Variants in USP6NL observed in about 807,000 individuals in gnomAD.
The protein encoded by USP6NL is USP6 N-terminal-like protein.
A neutral mutation model predicts 61.9 loss-of-function variants in USP6NL; 26 were observed. The observed-to-expected ratio is 0.42, with a 90% CI of 0.31 to 0.58. The LOEUF (loss-of-function observed/expected upper bound fraction) is 0.58, where lower values mean the gene tolerates loss of function less well. Among genes scored for constraint, USP6NL ranks in the 20% least tolerant of loss-of-function variants. USP6NL has a pLI of 0.16. For missense variants in USP6NL, 1,114 were observed against 1,034.3 expected (o/e 1.08, Z -1.06); for synonymous variants, 432 against 390.1 (o/e 1.11, Z -1.27).
chr10:11,575,750 T>C lies in USP6NL; in HGVS notation c.4+21881A>G, dbSNP rs115629205. ...CACACATTGCATCAGTAAGAATATC[T>C]GATCACATACTCTGATGTATGTAAC... On this transcript the variant is annotated intron_variant, in intron 2 of 14. Transcript: ENST00000609104. This position sits in a 1 kb window ranked among gnomAD's most constrained non-coding sequence, Gnocchi z 4.2. Among the ~76,000 whole-genome samples, 3,173 of 152,336 alleles carry C rather than the reference T, an allele frequency of 0.021. 107 individuals carry two copies. The highest frequency in any genetic ancestry group is 0.072 in the African/African-American group (2,973 of 41,564).
chr10:11,471,654 T>C (rs2133180368), intron 14 of USP6NL, among the ~76,000 whole-genome samples: 1 of 152,138 alleles, frequency 6.6e-6, no homozygotes, highest in East Asian at 1.9e-4. Context: ...CCATAAAAAA[T>C]AATGAGTTCA....
rs1834699970 is a variant in USP6NL at position 11,511,168 on chromosome 10, C to T, written c.196-1493G>A. 1.3e-5 allele frequency among the ~76,000 whole-genome samples: 2 copies of T among 152,174 alleles called. No individual in the cohort carries two copies. The highest frequency in any genetic ancestry group is 4.1e-4 in the South Asian group (2 of 4,826). On this transcript the variant is annotated intron_variant, in intron 5 of 14. Transcript: ENST00000609104. This position sits in a 1 kb window ranked among gnomAD's most constrained non-coding sequence, Gnocchi z 4.9. Reference sequence around the variant, plus strand: ...GGCATATTCTTAAAACTCTCAATTACCTAACTCTTTTTAAAATTTTTGATG... The same window carrying T: ...GGCATATTCTTAAAACTCTCAATTATCTAACTCTTTTTAAAATTTTTGATG...
At chr10:11,577,525 G>C (rs1837595849) in intron 2 of USP6NL, among the ~76,000 whole-genome samples, 1 of 152,118 alleles carries the variant, frequency 6.6e-6, no homozygotes, top group South Asian at 2.1e-4. Context: ...GGGGAGGACA[G>C]AGTCTCGCTC....
intron 2 of USP6NL, among the ~76,000 whole-genome samples, chr10:11,534,824 C>G (rs1467632133): frequency 6.6e-6 from 1 of 152,180 alleles, no homozygotes; most frequent in Non-Finnish European, 1.5e-5. Flanking sequence ...TATGTAAGAA[C>G]TGCATTGGCT....
intron 2 of USP6NL, among the ~76,000 whole-genome samples, chr10:11,551,111 C>A (rs544402682): frequency 6.6e-6 from 1 of 152,106 alleles, no homozygotes; most frequent in Non-Finnish European, 1.5e-5. Context: ...TCATACTGAC[C>A]AGCAATCTCA....
At position 11,490,918 on chromosome 10, in the gene USP6NL, T is replaced by C; in HGVS notation, c.495-38A>G. The C allele has an allele frequency of 6.7e-7, 1 of 1,482,226 alleles. No individual in the cohort carries two copies. Among genetic ancestry groups the C allele is most frequent in the East Asian group, 2.5e-5 (1 of 40,256 alleles). The allele number at this position is 1,482,226 out of a possible 1,614,324, so 91.8% of individuals were successfully genotyped here. A position where few individuals can be genotyped will look rare whatever the true frequency, so the allele number is the denominator to read the frequency against. Reference sequence around the variant, plus strand: ...ATTTACATTAAATACAATTTAGTAATTTCACATATTTTAAAAATTACAAAC... The same window carrying C: ...ATTTACATTAAATACAATTTAGTAACTTCACATATTTTAAAAATTACAAAC... On this transcript the variant is annotated intron_variant, in intron 8 of 14. Coordinates refer to ENST00000609104, the MANE Select transcript of USP6NL (RefSeq NM_014688.5). This position sits in a 1 kb window ranked among gnomAD's most constrained non-coding sequence, Gnocchi z 4.5.
intron 1 of USP6NL, among the ~76,000 whole-genome samples, chr10:11,609,134 C>T (rs1432714423): frequency 6.6e-6 from 1 of 152,022 alleles, no homozygotes; most frequent in Non-Finnish European, 1.5e-5. Context: ...GAGCGATCTC[C>T]GCTCACTGCA....
Position 11,548,187 on chromosome 10 carries a change from T to A in USP6NL, c.5-20620A>T, listed in dbSNP as rs76628315. Reference sequence around the variant, plus strand: ...CTTTTCCACATGAGAGGCCTGTAAATACAAAACTCTGACATATTCACACTG... The same window carrying A: ...CTTTTCCACATGAGAGGCCTGTAAAAACAAAACTCTGACATATTCACACTG... On this transcript the variant is annotated intron_variant, in intron 2 of 14. Coordinates refer to ENST00000609104, the MANE Select transcript of USP6NL (RefSeq NM_014688.5). This position sits in a 1 kb window ranked among gnomAD's most constrained non-coding sequence, Gnocchi z 4.3. 0.11 allele frequency among the ~76,000 whole-genome samples: 16,098 copies of A among 152,198 alleles called. 1,398 individuals are homozygous for A. Among genetic ancestry groups the A allele is most frequent in the East Asian group, 0.45 (2,325 of 5,162 alleles).
Position 11,462,680 on chromosome 10 carries a change from G to C in USP6NL, c.2248C>G (p.Gln750Glu). ...SYTYRPETQG[Q>E]SWTRDASRGN... ...CGGCTAGCATCTCGGGTCCATGATT[G>C]TCCCTGCGTCTCAGGTCTGTATGTA... is the stretch of plus-strand genomic sequence containing the variant. The change falls in exon 15 of 15, where the codon CAA (glutamine) becomes GAA (glutamate). Residue 750 changes from glutamine (Q) to glutamate (E), a missense_variant. Physicochemically the swap from Gln to Glu is conservative, Grantham distance 29. Transcript: ENST00000609104. The C allele has an allele frequency of 1.9e-6, 3 of 1,613,984 alleles. No individual in the cohort carries two copies. In the South Asian group the frequency reaches 3.3e-5, roughly 18 times the overall value.
chr10:11,462,512 C>G lies in USP6NL; in HGVS notation c.2416G>C (p.Gly806Arg), dbSNP rs1591805726. Reference protein sequence around the residue: ...DASPSGYPYSGPPPPAYHYRN... With the variant: ...DASPSGYPYSRPPPPAYHYRN... ...TAGTGGTAGGCTGGAGGCGGGGGCC[C>G]TGAATATGGATATCCAGATGGACTG... The change falls in exon 15 of 15, where the codon GGG becomes CGG. Residue 806 changes from glycine to arginine, a missense_variant. Coordinates refer to ENST00000609104, the MANE Select transcript of USP6NL (RefSeq NM_014688.5). 2 of 1,613,980 alleles carry G rather than the reference C, an allele frequency of 1.2e-6. No homozygotes were observed. Among genetic ancestry groups the G allele is most frequent in the Non-Finnish European group, 1.7e-6 (2 of 1,179,894 alleles).
chr10:11,542,687 C>T (rs932517769), intron 2 of USP6NL, among the ~76,000 whole-genome samples: 6 of 152,120 alleles, frequency 3.9e-5, no homozygotes, highest in African/African-American at 1.4e-4. Context: ...CCACTGCACT[C>T]CAGCCTGGAC....
chr10:11,587,072 G>A lies in USP6NL; in HGVS notation c.4+10559C>T, dbSNP rs962806538. 1.3e-5 allele frequency among the ~76,000 whole-genome samples: 2 copies of A among 152,102 alleles called. No homozygotes were observed. Among genetic ancestry groups the A allele is most frequent in the African/African-American group, 4.8e-5 (2 of 41,414 alleles). On this transcript the variant is annotated intron_variant, in intron 2 of 14. Transcript: ENST00000609104. The surrounding 1 kb of genome is among the most constrained non-coding windows in gnomAD (Gnocchi z 4.5). ...ACTAAGACCGTACTACTGGCTCAAT[G>A]TCTGGCTTTCCCACCAGTTCCATGA...
rs940874244 is a variant in USP6NL at position 11,463,692 on chromosome 10, G to A, written c.1236C>T (p.His412=). 8 of 1,613,276 alleles carry A rather than the reference G, an allele frequency of 5.0e-6. No individual in the cohort carries two copies. The highest frequency in any genetic ancestry group is 4.2e-6 in the Non-Finnish European group (5 of 1,179,664). The stretch of plus-strand genomic sequence containing the variant: ...TGCTCTGGGGGTGCGGGGAGTGCTC[G>A]TGCCTCCTGTGGGGCGCCCCGCTCT... ...RRESGAPHRR[H]EHSPHPQSRT... is the part of the protein sequence containing the mutation. Residue 412 remains histidine (H), a synonymous_variant, in exon 15 of 15, where the codon CAC becomes CAT. Coordinates refer to ENST00000609104, the MANE Select transcript of USP6NL (RefSeq NM_014688.5). This position sits in a 1 kb window ranked among gnomAD's most constrained non-coding sequence, Gnocchi z 6.3.
intron 2 of USP6NL, among the ~76,000 whole-genome samples, chr10:11,572,114 C>T (rs1361000282): frequency 6.6e-6 from 1 of 151,400 alleles, no homozygotes; most frequent in Non-Finnish European, 1.5e-5. Flanking sequence ...GGGTATATTC[C>T]AAGTAACTAT....
At chr10:11,555,444 A>ATG in intron 2 of USP6NL, among the ~76,000 whole-genome samples, 1 of 94,178 alleles carries the variant, frequency 1.1e-5, no homozygotes, top group Non-Finnish European at 2.1e-5. Flanking sequence ...ATATATATAT[A>ATG]TATATATAGA....
At chr10:11,529,308 C>G (rs55983349) in intron 2 of USP6NL, among the ~76,000 whole-genome samples, 6,754 of 152,198 alleles carry the variant, frequency 0.044, 206 homozygotes, top group Non-Finnish European at 0.07. Context: ...CATTGCAGTT[C>G]CTTATAATGA....
chr10:11,541,360 C>A (rs1433941790), intron 2 of USP6NL, among the ~76,000 whole-genome samples: 2 of 147,254 alleles, frequency 1.4e-5, no homozygotes, highest in Non-Finnish European at 3.0e-5. Flanking sequence ...TTATTCTGTA[C>A]AATCCAAATG....
chr10:11,543,881 G>A (rs908318852), intron 2 of USP6NL, among the ~76,000 whole-genome samples: 2 of 129,926 alleles, frequency 1.5e-5, no homozygotes, highest in Non-Finnish European at 3.1e-5. Context: ...GCGCAGTCTC[G>A]GCTCACTGCA....
At chr10:11,581,517 C>T (rs979350437) in intron 2 of USP6NL, among the ~76,000 whole-genome samples, 1 of 152,134 alleles carries the variant, frequency 6.6e-6, no homozygotes, top group African/African-American at 2.4e-5. Context: ...CCTGGAAATA[C>T]ATTTCAGAAT....
Sources: allele counts gnomAD v4.1 joint callset (sites outside exome capture counted in the v4.1 genomes callset), GRCh38; gene constraint gnomAD v4.1.1; non-coding constraint Gnocchi (gnomAD v3.1); transcripts MANE v1.5; gene names NCBI Gene and HGNC (gene_info 2026-07-23, HGNC 2026-07-21).